MEI4: variants seen among roughly 807,000 people sequenced by gnomAD.
MEI4 encodes meiotic double-stranded break formation protein 4, also known as meiosis-specific protein MEI4.
In MEI4, 27 loss-of-function variants were observed where a neutral mutation model predicts 31.4. The ratio of observed to expected loss-of-function variants is 0.86; its 90% CI spans 0.63 to 1.19. MEI4 has a LOEUF of 1.19. Ranked by LOEUF, MEI4 falls within the 50% of genes most tolerant of loss-of-function variation. MEI4 has a pLI of 0.00. For synonymous variants in MEI4, 122 were observed against 145.4 expected, an observed-to-expected ratio of 0.84 and a Z score of 1.16; for missense variants, 329 against 398.9, an observed-to-expected ratio of 0.82 and a Z score of 1.49.
chr6:77,860,685 G>A (rs1469552785), intron 4 of MEI4, among the ~76,000 whole-genome samples: 2 of 145,596 alleles, frequency 1.4e-5, no homozygotes, highest in African/African-American at 5.7e-5. Context: ...TATATATTAT[G>A]TATATATAGT....
intron 3 of MEI4, among the ~76,000 whole-genome samples, chr6:77,797,505 C>G (rs998371810): frequency 3.3e-5 from 5 of 152,036 alleles, no homozygotes; most frequent in Non-Finnish European, 7.4e-5. Flanking sequence ...AAGAAAGAAG[C>G]CAGTAGTGAC....
At chr6:77,674,270 T>C (rs1212960141) in intron 1 of MEI4, among the ~76,000 whole-genome samples, 1 of 152,146 alleles carries the variant, frequency 6.6e-6, no homozygotes, top group Non-Finnish European at 1.5e-5. Flanking sequence ...TAAGGGAAAA[T>C]AAGAGTTTTT....
chr6:77,654,928 ATATTT>A (rs553321573), intron 1 of MEI4, among the ~76,000 whole-genome samples: 7 of 151,912 alleles, frequency 4.6e-5, no homozygotes, highest in Non-Finnish European at 7.4e-5. Context: ...ATTTTTTATT[ATATTT>A]TAAGTTCTGG....
Position 77,847,470 on chromosome 6 carries a change from A to T in MEI4, c.900+18408A>T, listed in dbSNP as rs1183751368. 6.6e-6 allele frequency among the ~76,000 whole-genome samples: 1 copy of T among 152,194 alleles called. No individual in the cohort carries two copies. The highest frequency in any genetic ancestry group is 2.4e-5 in the African/African-American group (1 of 41,454). The stretch of plus-strand genomic sequence containing the variant: ...TATCAGTCACTGAAAAGAAGTCAGC[A>T]GAGTCATTTCAGTGTCATGAGAAAA... On this transcript the variant is annotated intron_variant, in intron 4 of 4. Transcript: ENST00000684080. The surrounding 1 kb of genome is among the most constrained non-coding windows in gnomAD (Gnocchi z 4.6).
intron 4 of MEI4, among the ~76,000 whole-genome samples, chr6:77,833,586 CA>C (rs1770133971): frequency 6.6e-6 from 1 of 152,098 alleles, no homozygotes; most frequent in Non-Finnish European, 1.5e-5. Context: ...AAGAGGTACA[CA>C]TGTTCATTTT....
chr6:77,700,902 TCTTA>T (rs1299071217), intron 2 of MEI4, among the ~76,000 whole-genome samples: 6 of 152,206 alleles, frequency 3.9e-5, no homozygotes, highest in African/African-American at 1.4e-4. Flanking sequence ...CACATTTTTA[TCTTA>T]CTTAAATGCG....
chr6:77,751,921 A>G (rs536608149), intron 2 of MEI4, among the ~76,000 whole-genome samples: 4 of 152,320 alleles, frequency 2.6e-5, no homozygotes, highest in Non-Finnish European at 5.9e-5. Flanking sequence ...CTTATCCACC[A>G]TGATCAAGTC....
intron 4 of MEI4, among the ~76,000 whole-genome samples, chr6:77,921,848 C>T (rs1766710702): frequency 6.6e-6 from 1 of 151,706 alleles, no homozygotes; most frequent in African/African-American, 2.4e-5. Context: ...CTGATATGGG[C>T]ATGGTTTGTG....
chr6:77,774,732 G>T (rs1408686263), intron 3 of MEI4, among the ~76,000 whole-genome samples: 3 of 151,888 alleles, frequency 2.0e-5, no homozygotes, highest in Non-Finnish European at 4.4e-5. Context: ...AGAAAGAGAA[G>T]GGTAGAGAGC....
chr6:77,821,817 A>AC (rs1271001647), intron 3 of MEI4, among the ~76,000 whole-genome samples: 3 of 151,456 alleles, frequency 2.0e-5, no homozygotes, highest in Non-Finnish European at 2.9e-5. Flanking sequence ...AAAAAAAAAA[A>AC]AAAAAATCGT....
intron 4 of MEI4, among the ~76,000 whole-genome samples, chr6:77,919,590 T>A (rs962751907): frequency 9.9e-5 from 15 of 151,604 alleles, no homozygotes; most frequent in Admixed American, 7.9e-4. Flanking sequence ...TTAAAAGAAC[T>A]ACAAAAGCAA....
intron 2 of MEI4, among the ~76,000 whole-genome samples, chr6:77,729,880 A>G (rs1200274703): frequency 6.6e-6 from 1 of 152,150 alleles, no homozygotes; most frequent in Non-Finnish European, 1.5e-5. Context: ...TTTTCAATAA[A>G]GAAAGTGAAG....
intron 4 of MEI4, among the ~76,000 whole-genome samples, chr6:77,887,592 C>T (rs1469061442): frequency 3.9e-5 from 6 of 152,106 alleles, no homozygotes; most frequent in East Asian, 1.9e-4. Flanking sequence ...CCACCGCACC[C>T]GGCCTCTTAA....
rs185396928 is a variant in MEI4 at position 77,702,819 on chromosome 6, T to G, written c.232+11916T>G. On this transcript the variant is annotated intron_variant, in intron 2 of 4. Transcript: ENST00000684080. ...CTGAGACATATCAAATTTCTTCCAC[T>G]TATTTGAATGGACCTTGCTCAGCCC... is the stretch of plus-strand genomic sequence containing the variant. Among the ~76,000 whole-genome samples the G allele has an allele frequency of 1.8e-4, 27 of 152,330 alleles. No homozygotes were observed. In the East Asian group the frequency reaches 5.2e-3, roughly 29 times the overall value.
At chr6:77,730,949 A>G (rs977624433) in intron 2 of MEI4, among the ~76,000 whole-genome samples, 4 of 151,724 alleles carry the variant, frequency 2.6e-5, no homozygotes, top group Non-Finnish European at 5.9e-5. Flanking sequence ...CCTACAAAGG[A>G]CATGAACCCA....
intron 2 of MEI4, among the ~76,000 whole-genome samples, chr6:77,747,602 C>A (rs1767649823): frequency 6.6e-6 from 1 of 152,080 alleles, no homozygotes; most frequent in African/African-American, 2.4e-5. Flanking sequence ...CAGGTCCCTC[C>A]CTTGATACAT....
At chr6:77,743,417 CTGTT>C (rs757230306) in intron 2 of MEI4, among the ~76,000 whole-genome samples, 2 of 152,082 alleles carry the variant, frequency 1.3e-5, no homozygotes, top group Non-Finnish European at 2.9e-5. Flanking sequence ...ATTTGGCTCT[CTGTT>C]TGTCTGTTAT....
chr6:77,763,083 A>T (rs1421258641), intron 3 of MEI4, among the ~76,000 whole-genome samples: 1 of 152,120 alleles, frequency 6.6e-6, no homozygotes, highest in Admixed American at 6.6e-5. Context: ...TTGCCTTCAT[A>T]TATGTATTGG....
Position 77,841,333 on chromosome 6 carries a change from A to ATATATATATATATTTT in MEI4, c.900+12272_900+12273insATATATATATATTTTT. Among the ~76,000 whole-genome samples, 34 of 27,742 alleles carry ATATATATATATATTTT rather than the reference A, an allele frequency of 1.2e-3. 2 individuals are homozygous for ATATATATATATATTTT. Among genetic ancestry groups the ATATATATATATATTTT allele is most frequent in the Non-Finnish European group, 1.6e-3 (31 of 19,160 alleles). 18.2% of individuals were successfully genotyped at this position (27,742 alleles called of 152,430 possible). ...TGTGTGCATATATATATATATATAT[A>ATATATATATATATTTT]TTTTTTTTTTTTTTTTTTTTTTTGA... is the stretch of plus-strand genomic sequence containing the variant. On this transcript the variant is annotated intron_variant, in intron 4 of 4. Transcript: ENST00000684080.
Sources: gnomAD v4.1 joint callset for allele counts (sites outside exome capture counted in the v4.1 genomes callset) on GRCh38, gnomAD v4.1.1 for gene constraint, Gnocchi (gnomAD v3.1) non-coding constraint, MANE v1.5 for transcripts, NCBI Gene and HGNC (gene_info 2026-07-23, HGNC 2026-07-21) for gene names.